The following PLEKHA6 variants were observed in gnomAD, a reference collection of about 807,000 sequenced individuals.
The protein encoded by PLEKHA6 is pleckstrin homology domain containing A6, also known as pleckstrin homology domain-containing family A member 6.
Under a neutral mutation model 116.7 loss-of-function variants are expected in PLEKHA6, and 60 were observed. The observed-to-expected ratio is 0.51, with a 90% CI of 0.42 to 0.64. The LOEUF (loss-of-function observed/expected upper bound fraction) is 0.64, where lower values mean the gene tolerates loss of function less well. PLEKHA6 is among the 30% of genes least tolerant of loss of function. The pLI, the probability that PLEKHA6 is intolerant of heterozygous loss-of-function variation, is 0.00. For synonymous variants in PLEKHA6, 489 were observed against 556.1 expected (o/e 0.88, Z 1.70); for missense variants, 1,338 against 1,422.7 (o/e 0.94, Z 0.96).
In PLEKHA6 at chr1:204,273,996, C is replaced by A. The variant is rs12737321; in HGVS notation, c.-13-256G>T. Among the ~76,000 whole-genome samples the A allele has an allele frequency of 0.48, 72,415 of 151,960 alleles. 17,431 individuals carry two copies. Among genetic ancestry groups the A allele is most frequent in the Middle Eastern group, 0.59 (173 of 292 alleles). On this transcript the variant is annotated intron_variant, in intron 2 of 22. Transcript: ENST00000272203. Reference sequence around the variant, plus strand: ...TCACCCAGCCTGTAGCACAGTGGCACAATCAAGACTCACCACAGCCTTGAA... The same window carrying A: ...TCACCCAGCCTGTAGCACAGTGGCAAAATCAAGACTCACCACAGCCTTGAA...
At position 204,355,332 on chromosome 1, in the gene PLEKHA6, A is replaced by G. The variant is rs183476674; in HGVS notation, c.-95+4362T>C. 2.6e-5 allele frequency among the ~76,000 whole-genome samples: 4 copies of G among 152,352 alleles called. No homozygotes were observed. In the East Asian group the frequency reaches 7.7e-4, roughly 29 times the overall value. Reference sequence around the variant, plus strand: ...AGGTAGCATTATCTTCATTTTACAAATGGAGAAACTGAGGCACAGAGAAGT... The same window carrying G: ...AGGTAGCATTATCTTCATTTTACAAGTGGAGAAACTGAGGCACAGAGAAGT... On this transcript the variant is annotated intron_variant, in intron 1 of 22. Transcript: ENST00000272203.
At chr1:204,326,171 C>T (rs767949449) in intron 1 of PLEKHA6, among the ~76,000 whole-genome samples, 1 of 152,170 alleles carries the variant, frequency 6.6e-6, no homozygotes, top group Non-Finnish European at 1.5e-5. Context: ...CAGTTCCATG[C>T]CCCCTTCTGC....
At chr1:204,311,427 G>T (rs1420777141) in intron 1 of PLEKHA6, 1 of 163,202 alleles carries the variant, frequency 6.1e-6, no homozygotes, top group Non-Finnish European at 1.3e-5. Flanking sequence ...GGAGGCAGAG[G>T]TTGTGGGGAG....
At chr1:204,293,610 C>T (rs551104514) in intron 1 of PLEKHA6, among the ~76,000 whole-genome samples, 58 of 152,260 alleles carry the variant, frequency 3.8e-4, no homozygotes, top group Admixed American at 2.7e-3. Context: ...GTCTTTATTT[C>T]GAATGTTACT....
In PLEKHA6 at chr1:204,359,770, GC is replaced by G; in HGVS notation, c.-172del. On this transcript the variant is annotated 5_prime_UTR_variant, in exon 1 of 23. Transcript: ENST00000272203. ...CAAGGCACCCCTCCCCCCAGCTCAG[GC>G]CAGCTGGGGTCCTCCTCCCCCGCCC... is the stretch of plus-strand genomic sequence containing the variant. The G allele has an allele frequency of 1.1e-6, 1 of 878,296 alleles. No homozygotes were observed. The highest frequency in any genetic ancestry group is 1.4e-6 in the Non-Finnish European group (1 of 731,742). 54.4% of individuals were successfully genotyped at this position (878,296 alleles called of 1,614,324 possible).
chr1:204,327,658 C>T lies in PLEKHA6; in HGVS notation c.-95+32036G>A, dbSNP rs373267662. Among the ~76,000 whole-genome samples the T allele has an allele frequency of 2.6e-5, 4 of 152,352 alleles. No individual in the cohort carries two copies. In the East Asian group the frequency reaches 5.8e-4, roughly 22 times the overall value. On this transcript the variant is annotated intron_variant, in intron 1 of 22. Coordinates refer to ENST00000272203, the MANE Select transcript of PLEKHA6 (RefSeq NM_014935.5). ...CAGATGGGCGAGCGCTGTGCCAGGC[C>T]CCAGGGGACCACAAGCTCCTGGGGA...
intron 1 of PLEKHA6, among the ~76,000 whole-genome samples, chr1:204,358,411 G>C (rs1411946683): frequency 1.3e-5 from 2 of 152,186 alleles, no homozygotes; most frequent in Non-Finnish European, 2.9e-5. Flanking sequence ...GTGAAAGCTG[G>C]CGACTGAACC....
chr1:204,239,954 T>C (rs1662570759), intron 17 of PLEKHA6, among the ~76,000 whole-genome samples: 1 of 152,210 alleles, frequency 6.6e-6, no homozygotes, highest in Admixed American at 6.5e-5. Context: ...CTACGGGTCT[T>C]CGTTCCAGAG....
intron 1 of PLEKHA6, among the ~76,000 whole-genome samples, chr1:204,295,233 T>TA (rs1177670875): frequency 1.3e-5 from 2 of 152,212 alleles, no homozygotes; most frequent in African/African-American, 2.4e-5. Context: ...CTCATGCCCA[T>TA]AATCCCAGCA....
chr1:204,228,741 T>G lies in PLEKHA6; in HGVS notation c.2872A>C (p.Ile958Leu). ...QKKVERIKTL[I>L]AKSSMQNVVP... ...CAGGCTGGTTACCTGGATTTGGCAA[T>G]GAGTGTCTTGATCCTCTCCACCTTC... is the stretch of plus-strand genomic sequence containing the variant. The change falls in exon 20 of 23, where the codon ATT (isoleucine) becomes CTT (leucine). Residue 958 changes from isoleucine (I) to leucine (L), a missense_variant. Physicochemically the swap from Ile to Leu is conservative, Grantham distance 5. Transcript: ENST00000272203. The surrounding 1 kb of genome is among the most constrained non-coding windows in gnomAD (Gnocchi z 4.0). 6.2e-7 allele frequency: 1 copy of G among 1,614,008 alleles called. No individual in the cohort carries two copies. Among genetic ancestry groups the G allele is most frequent in the African/African-American group, 1.3e-5 (1 of 75,014 alleles).
chr1:204,274,212 A>C (rs1667778415), intron 2 of PLEKHA6, among the ~76,000 whole-genome samples: 1 of 152,186 alleles, frequency 6.6e-6, no homozygotes, highest in East Asian at 1.9e-4. Context: ...GATTACAGGC[A>C]TGAGCCACCT....
intron 9 of PLEKHA6, among the ~76,000 whole-genome samples, chr1:204,250,985 G>C (rs12080177): frequency 6.6e-6 from 1 of 152,154 alleles, no homozygotes; most frequent in Non-Finnish European, 1.5e-5. Flanking sequence ...CTGTCTGTGG[G>C]GTTAAGACAT....
intron 17 of PLEKHA6, among the ~76,000 whole-genome samples, chr1:204,231,904 G>GT (rs1167547929): frequency 1.3e-5 from 2 of 151,968 alleles, no homozygotes; most frequent in Non-Finnish European, 2.9e-5. Context: ...CTGTTGTTTT[G>GT]TTTTTTAGTA....
intron 1 of PLEKHA6, among the ~76,000 whole-genome samples, chr1:204,321,738 C>G (rs974368602): frequency 6.6e-6 from 1 of 152,142 alleles, no homozygotes; most frequent in Non-Finnish European, 1.5e-5. Context: ...GACTGTGAAA[C>G]GGAAAGGACA....
chr1:204,275,406 G>A (rs1294148279), intron 1 of PLEKHA6, among the ~76,000 whole-genome samples: 1 of 152,230 alleles, frequency 6.6e-6, no homozygotes, highest in African/African-American at 2.4e-5. Flanking sequence ...TGAGACCTCA[G>A]GGGCTGTCAG....
chr1:204,292,001 T>C (rs1669815164), intron 1 of PLEKHA6, among the ~76,000 whole-genome samples: 1 of 152,136 alleles, frequency 6.6e-6, no homozygotes, highest in South Asian at 2.1e-4. Flanking sequence ...TTTCACATGG[T>C]GATGGAATGA....
rs118004314 is a variant in PLEKHA6, at chr1:204,348,975, G to A, written c.-95+10719C>T. 7.3e-3 allele frequency among the ~76,000 whole-genome samples: 1,114 copies of A among 152,280 alleles called. 60 individuals carry two copies. The highest frequency in any genetic ancestry group is 0.066 in the Admixed American group (1,007 of 15,304). On this transcript the variant is annotated intron_variant, in intron 1 of 22. Transcript: ENST00000272203. Reference sequence around the variant, plus strand: ...TGCTTGGCAACCAGAACAGCTTGTCGGGAGGGGTTAGCTTCAGCCCACGCA... The same window carrying A: ...TGCTTGGCAACCAGAACAGCTTGTCAGGAGGGGTTAGCTTCAGCCCACGCA...
At chr1:204,240,052 T>G (rs1662585678) in intron 17 of PLEKHA6, among the ~76,000 whole-genome samples, 1 of 152,210 alleles carries the variant, frequency 6.6e-6, no homozygotes, top group African/African-American at 2.4e-5. Context: ...CCTCGTACCT[T>G]TAAATCAACA....
At position 204,219,610 on chromosome 1, in the gene PLEKHA6, G is replaced by A. The variant is rs1319043961; in HGVS notation, c.*3178C>T. The A allele has an allele frequency of 1.3e-5, 2 of 152,234 alleles. No homozygotes were observed. The highest frequency in any genetic ancestry group is 4.8e-5 in the African/African-American group (2 of 41,454). 9.4% of individuals were successfully genotyped at this position (152,234 alleles called of 1,614,324 possible). A position where few individuals can be genotyped will look rare whatever the true frequency, so the allele number is the denominator to read the frequency against. ...GTTCTAGGCTGGCGACAGGGTGTCA[G>A]TAAATGCCCCAGGTGGGAGGCCAGG... On this transcript the variant is annotated 3_prime_UTR_variant, in exon 23 of 23. Transcript: ENST00000272203.
Sources: allele counts gnomAD v4.1 joint callset (sites outside exome capture counted in the v4.1 genomes callset), GRCh38; gene constraint gnomAD v4.1.1; non-coding constraint Gnocchi (gnomAD v3.1); transcripts MANE v1.5; gene names NCBI Gene and HGNC (gene_info 2026-07-23, HGNC 2026-07-21).